MYO19: variants seen among roughly 807,000 people sequenced by gnomAD.
The protein encoded by MYO19 is unconventional myosin-XIX.
In MYO19, 132 loss-of-function variants were observed where a neutral mutation model predicts 129.2. That is an observed-to-expected ratio of 1.02 (90% CI 0.89 to 1.18). The LOEUF is 1.18. MYO19 is among the 50% of genes most tolerant of loss of function. The probability of loss-of-function intolerance (pLI) is 0.00; values close to 1 mark genes in which losing one functional copy is unlikely to be tolerated. For missense variants in MYO19, 1,210 were observed against 1,216.7 expected, an observed-to-expected ratio of 0.99 and a Z score of 0.08; for synonymous variants, 531 against 477.2, an observed-to-expected ratio of 1.11 and a Z score of -1.47.
chr17:36,542,474 C>A (rs12949019), intron 1 of MYO19, among the ~76,000 whole-genome samples: 2 of 152,034 alleles, frequency 1.3e-5, no homozygotes, highest in South Asian at 4.1e-4. Flanking sequence ...CCGAGGCGGG[C>A]GGATCAAGAG....
Position 36,510,912 on chromosome 17 carries a change from CAG to C in MYO19, c.989_990del (p.Ser330CysfsTer22), listed in dbSNP as rs551072151. ...CCCAGCAGCGAGGCTGCCGTCCTGA[CAG>C]AGTCTGGGAGGGGCAAATCCTCTTT... ...PCQPMDDAKY[S>X]VRTAASLLGL... On this transcript the variant is annotated frameshift_variant, in exon 13 of 26. Transcript: ENST00000614623. LOFTEE classifies it high-confidence loss of function. The C allele has an allele frequency of 3.5e-5, 55 of 1,573,482 alleles. No homozygotes were observed. The South Asian group carries it at 4.9e-4, about 14-fold the overall frequency.
chr17:36,542,277 C>T (rs1397278169), intron 1 of MYO19: 1 of 151,974 alleles, frequency 6.6e-6, no homozygotes, highest in East Asian at 1.9e-4. Flanking sequence ...GATTTAAATC[C>T]CCAGGGTGAA....
In MYO19 at chr17:36,510,820, C is replaced by T; in HGVS notation, c.1083G>A (p.Gln361=). The T allele has an allele frequency of 6.3e-7, 1 of 1,587,068 alleles. No homozygotes were observed. The part of the protein sequence containing the change: ...IRTIRAGRQQ[Q]VFRKPCARAE... ...CTCGGGCGCAGGGCTTCCGGAACACCTGCTGCTGTCTGCCTGCCCTGATGG... is the reference window on the plus strand; with the variant it reads ...CTCGGGCGCAGGGCTTCCGGAACACTTGCTGCTGTCTGCCTGCCCTGATGG... The change falls in exon 13 of 26, where the codon CAG becomes CAA. Residue 361 remains glutamine, a synonymous_variant. Transcript: ENST00000614623.
rs775187011 is a variant in MYO19, at chr17:36,505,426, G to T, written c.1798-22C>A. The T allele has an allele frequency of 3.7e-6, 6 of 1,600,968 alleles. No individual in the cohort carries two copies. In the Admixed American group the frequency reaches 1.0e-4, roughly 27 times the overall value. ...AGGCCTGCAGATGAGAGACCATGGG[G>T]TTAGGCAGGGAGAGGGGCTGCCCAG... is the stretch of plus-strand genomic sequence containing the variant. On this transcript the variant is annotated intron_variant, in intron 18 of 25. Coordinates refer to ENST00000614623, the MANE Select transcript of MYO19 (RefSeq NM_001163735.2).
intron 11 of MYO19, chr17:36,512,647 C>T (rs375032950): frequency 7.8e-7 from 1 of 1,288,870 alleles, no homozygotes. Context: ...GTCCTTCTGT[C>T]AAGTTCTTAC....
Position 36,500,906 on chromosome 17 carries a change from G to A in MYO19, c.2301C>T (p.Cys767=), listed in dbSNP as rs754801427. 11 of 1,609,532 alleles carry A rather than the reference G, an allele frequency of 6.8e-6. No individual in the cohort carries two copies. The South Asian group carries it at 1.2e-4, about 18-fold the overall frequency. ...GGTGTCGCCTCCAGCCACCCTGGAT[G>A]CAGCGGGCACACTGCTCCAGCACCC... is the stretch of plus-strand genomic sequence containing the variant. The part of the protein sequence containing the change: ...RARVLEQCAR[C]IQGGWRRHRH... The change falls in exon 23 of 26, where the codon TGC becomes TGT. Residue 767 remains cysteine (C), a synonymous_variant. Transcript: ENST00000614623.
chr17:36,514,377 G>C lies in MYO19; in HGVS notation c.720+69C>G. 2.0e-6 allele frequency: 2 copies of C among 988,652 alleles called. 1 individual carries two copies. The allele number at this position is 988,652 out of a possible 1,614,324, so 61.2% of individuals were successfully genotyped here. On this transcript the variant is annotated intron_variant, in intron 9 of 25. Coordinates refer to ENST00000614623, the MANE Select transcript of MYO19 (RefSeq NM_001163735.2). ...CCAGGTATGGAGCATTCTGGGGAGT[G>C]GGGGGTTGAAAAACACGGACCCATC...
intron 7 of MYO19, among the ~76,000 whole-genome samples, chr17:36,515,619 C>T (rs2072690998): frequency 6.6e-6 from 1 of 152,208 alleles, no homozygotes; most frequent in Non-Finnish European, 1.5e-5. Context: ...CAGGTCTTCT[C>T]CAGCACGACT....
In MYO19 at chr17:36,505,349, C is replaced by T. The variant is rs369220386; in HGVS notation, c.1853G>A (p.Arg618His). ...VLHSTTPHYI[R>H]CIKPNSQGQA... is the part of the protein sequence containing the mutation. ...GCCCTGGCTGTTGGGCTTGATGCAGCGAATGTAGTGGGGCGTGGTGCTGTG... is the reference window on the plus strand; with the variant it reads ...GCCCTGGCTGTTGGGCTTGATGCAGTGAATGTAGTGGGGCGTGGTGCTGTG... The change falls in exon 19 of 26, where the codon CGC becomes CAC. Residue 618 changes from arginine (R) to histidine (H), a missense_variant. By Grantham distance (29) the Arg-to-His change is conservative. Coordinates refer to ENST00000614623, the MANE Select transcript of MYO19 (RefSeq NM_001163735.2). 3.2e-5 allele frequency: 52 copies of T among 1,614,086 alleles called. No homozygotes were observed. The highest frequency in any genetic ancestry group is 1.3e-4 in the South Asian group (12 of 91,088).
chr17:36,535,430 C>G (rs1425207054), upstream of MYO19: 1 of 152,242 alleles, frequency 6.6e-6, no homozygotes, highest in Admixed American at 6.5e-5. Flanking sequence ...TGGGCGGAGA[C>G]GCGCGGAATC....
At chr17:36,508,965 C>G in intron 14 of MYO19, 97 bp downstream of exon 14, 1 of 1,048,730 alleles carries the variant, frequency 9.5e-7, no homozygotes, top group Admixed American at 2.0e-5. Context: ...AAAGGAACTG[C>G]CCAGAGTCAC....
In MYO19 at chr17:36,510,869, A is replaced by T; in HGVS notation, c.1034T>A (p.Leu345Gln). ...ASLLGLPEDV[L>Q]LEMVQIRTIR... is the part of the protein sequence containing the mutation. ...GGTTCTAATCTGCACCATCTCCAGC[A>T]GCACGTCCTCTGGGAGCCCCAGCAG... is the stretch of plus-strand genomic sequence containing the variant. Residue 345 changes from leucine to glutamine, a missense_variant, in exon 13 of 26, where the codon CTG (leucine) becomes CAG (glutamine). Transcript: ENST00000614623. 1.3e-6 allele frequency: 2 copies of T among 1,582,774 alleles called. No homozygotes were observed. The highest frequency in any genetic ancestry group is 1.7e-6 in the Non-Finnish European group (2 of 1,164,240).
At position 36,495,944 on chromosome 17, in the gene MYO19, G is replaced by C. The variant is rs975203730; in HGVS notation, c.*307C>G. The C allele has an allele frequency of 2.0e-6, 2 of 1,009,278 alleles. No individual in the cohort carries two copies. The highest frequency in any genetic ancestry group is 3.3e-5 in the African/African-American group (2 of 60,356). The allele number at this position is 1,009,278 out of a possible 1,614,324, so 62.5% of individuals were successfully genotyped here. A position where few individuals can be genotyped will look rare whatever the true frequency, so the allele number is the denominator to read the frequency against. On this transcript the variant is annotated 3_prime_UTR_variant, in exon 26 of 26. Coordinates refer to ENST00000614623, the MANE Select transcript of MYO19 (RefSeq NM_001163735.2). Reference sequence around the variant, plus strand: ...TGCTTATGTGGAATTGGGATCCCCAGTGTAGTGACAGACAGTCATGACTGC... The same window carrying C: ...TGCTTATGTGGAATTGGGATCCCCACTGTAGTGACAGACAGTCATGACTGC...
intron 25 of MYO19, 158 bp downstream of exon 25, chr17:36,498,108 A>G: frequency 1.4e-6 from 1 of 710,592 alleles, no homozygotes; most frequent in East Asian, 2.7e-5. Context: ...AAATAATCCA[A>G]ACCTGCAGCT....
At chr17:36,538,214 A>G (rs2074170125), upstream of MYO19, 1 of 1,613,234 alleles carries the variant, frequency 6.2e-7, no homozygotes, top group African/African-American at 1.3e-5. Context: ...TGGCAAATTT[A>G]GCCTTTTGTA....
At chr17:36,527,789 T>A in intron 4 of MYO19, 90 bp from the exon 5 acceptor site, 1 of 1,374,336 alleles carries the variant, frequency 7.3e-7, no homozygotes, top group Non-Finnish European at 9.9e-7. Context: ...CAGCCCTCTT[T>A]CTGCAATTAG....
upstream of MYO19, chr17:36,537,469 CAG>C (rs1393964303): frequency 6.2e-7 from 1 of 1,614,032 alleles, no homozygotes; most frequent in Non-Finnish European, 8.5e-7. Flanking sequence ...AGTCTAGAAT[CAG>C]AATACAATCC....
At chr17:36,510,643 A>G in intron 13 of MYO19, 103 bp downstream of exon 13, 1 of 1,314,074 alleles carries the variant, frequency 7.6e-7, no homozygotes, top group Non-Finnish European at 1.0e-6. Flanking sequence ...CTTATCTCCC[A>G]CCCTGGGCCT....
At chr17:36,505,132 C>G (rs374646186) in intron 19 of MYO19, 165 bp downstream of exon 19, 1 of 779,222 alleles carries the variant, frequency 1.3e-6, no homozygotes, top group Non-Finnish European at 2.3e-6. Context: ...ACCATACATG[C>G]CTGCCCTGCC....
Sources: allele counts gnomAD v4.1 joint callset (sites outside exome capture counted in the v4.1 genomes callset), GRCh38; gene constraint gnomAD v4.1.1; transcripts MANE v1.5; gene names NCBI Gene and HGNC (gene_info 2026-07-23, HGNC 2026-07-21).